LIPK: variants seen among roughly 807,000 people sequenced by gnomAD.
LIPK encodes the protein lipase member K.
LIPK carries 32 observed loss-of-function variants against 48.6 expected under a neutral mutation model. The observed-to-expected ratio is 0.66, with a 90% CI of 0.50 to 0.88. The LOEUF (loss-of-function observed/expected upper bound fraction) is 0.88, where lower values mean the gene tolerates loss of function less well. Ranked by LOEUF, LIPK falls within the 40% of genes least tolerant of loss-of-function variation. The pLI, the probability that LIPK is intolerant of heterozygous loss-of-function variation, is 0.00. For missense variants in LIPK, 507 were observed against 478.5 expected, an observed-to-expected ratio of 1.06 and a Z score of -0.56; for synonymous variants, 164 against 157.4, an observed-to-expected ratio of 1.04 and a Z score of -0.32.
chr10:88,706,740 C>T (rs1160498557), intron 1 of LIPK, among the ~76,000 whole-genome samples: 2 of 152,084 alleles, frequency 1.3e-5, no homozygotes, highest in Non-Finnish European at 2.9e-5. Flanking sequence ...ATTCCAATGG[C>T]CTTGAGTATG....
intron 9 of LIPK, among the ~76,000 whole-genome samples, chr10:88,747,271 G>A (rs1397207188): frequency 6.6e-6 from 1 of 152,146 alleles, no homozygotes; most frequent in Non-Finnish European, 1.5e-5. Context: ...TATGAAGCCA[G>A]CATCCATCAT....
In LIPK at chr10:88,736,942, G is replaced by A. The variant is rs1208598244; in HGVS notation, c.670-693G>A. On this transcript the variant is annotated intron_variant, in intron 6 of 9. Transcript: ENST00000404190. ...TCCAAAGTTTTAAGAACTAAAAAAT[G>A]TCTTTTTACCTTTATATCTAGTTTA... Among the ~76,000 whole-genome samples the A allele has an allele frequency of 5.3e-5, 8 of 152,224 alleles. No homozygotes were observed. The East Asian group carries it at 7.7e-4, about 15-fold the overall frequency.
At chr10:88,724,225 C>T (rs1164190605) in intron 1 of LIPK, among the ~76,000 whole-genome samples, 1 of 152,134 alleles carries the variant, frequency 6.6e-6, no homozygotes, top group Non-Finnish European at 1.5e-5. Context: ...CATTATATTT[C>T]TTTTCTACAC....
chr10:88,736,943 T>C (rs2134756571), intron 6 of LIPK, among the ~76,000 whole-genome samples: 1 of 152,316 alleles, frequency 6.6e-6, no homozygotes. Context: ...CTAAAAAATG[T>C]CTTTTTACCT....
At chr10:88,723,633 T>C (rs2134713477) in intron 1 of LIPK, among the ~76,000 whole-genome samples, 1 of 152,276 alleles carries the variant, frequency 6.6e-6, no homozygotes, top group South Asian at 2.1e-4. Flanking sequence ...AAAAAAAGTT[T>C]AAATAATAAT....
Position 88,737,718 on chromosome 10 carries a change from C to G in LIPK, c.753C>G (p.Phe251Leu). 1.9e-6 allele frequency: 3 copies of G among 1,613,870 alleles called. No individual in the cohort carries two copies. The highest frequency in any genetic ancestry group is 1.7e-6 in the Non-Finnish European group (2 of 1,179,790). ...CCAAAGTGTGCAATCGAAAGCTATT[C>G]CGTCGTATTTGCAGCAACTTCCTAT... ...IATKVCNRKL[F>L]RRICSNFLFT... The change falls in exon 7 of 10, where the codon TTC (phenylalanine) becomes TTG (leucine). Residue 251 changes from phenylalanine to leucine, a missense_variant. By Grantham distance (22) the Phe-to-Leu change is conservative (BLOSUM62 0). Coordinates refer to ENST00000404190, the MANE Select transcript of LIPK (RefSeq NM_001080518.2).
chr10:88,743,298 C>A lies in LIPK; in HGVS notation c.937C>A (p.Gln313Lys). The A allele has an allele frequency of 6.3e-7, 1 of 1,593,110 alleles. No individual in the cohort carries two copies. Among genetic ancestry groups the A allele is most frequent in the Non-Finnish European group, 8.6e-7 (1 of 1,167,792 alleles). The part of the protein sequence containing the change: ...LQAFDWGNSD[Q>K]NMMHFHQLTP... ...AGCTTTTGATTGGGGAAACTCTGAT[C>A]AGAACATGATGCACTTCCATCAGGT... Residue 313 changes from glutamine to lysine, a missense_variant, in exon 9 of 10, where the codon CAG (glutamine) becomes AAG (lysine). Physicochemically the swap from Gln to Lys is moderately conservative, Grantham distance 53. Coordinates refer to ENST00000404190, the MANE Select transcript of LIPK (RefSeq NM_001080518.2).
At chr10:88,738,134 C>T (rs752242318) in intron 7 of LIPK, among the ~76,000 whole-genome samples, 3 of 152,090 alleles carry the variant, frequency 2.0e-5, no homozygotes, top group South Asian at 2.1e-4. Flanking sequence ...ATTTGTTTAC[C>T]AATTTTCCAC....
In LIPK at chr10:88,724,525, T is replaced by C; in HGVS notation, c.-11-8T>C. The C allele has an allele frequency of 6.6e-7, 1 of 1,522,234 alleles. No homozygotes were observed. The highest frequency in any genetic ancestry group is 8.9e-7 in the Non-Finnish European group (1 of 1,119,090). The allele number at this position is 1,522,234 out of a possible 1,614,324, so 94.3% of individuals were successfully genotyped here. A position where few individuals can be genotyped will look rare whatever the true frequency, so the allele number is the denominator to read the frequency against. Reference sequence around the variant, plus strand: ...TTGATGACAAATATATTAAATTTCCTTTCCTAGGCAGATCCCAAATGTGGC... The same window carrying C: ...TTGATGACAAATATATTAAATTTCCCTTCCTAGGCAGATCCCAAATGTGGC... On this transcript the variant is annotated splice_region_variant and splice_polypyrimidine_tract_variant and intron_variant, in intron 1 of 9. Coordinates refer to ENST00000404190, the MANE Select transcript of LIPK (RefSeq NM_001080518.2).
At chr10:88,725,023 G>T (rs1842307757) in intron 2 of LIPK, among the ~76,000 whole-genome samples, 1 of 152,104 alleles carries the variant, frequency 6.6e-6, no homozygotes, top group South Asian at 2.1e-4. Context: ...GCCAGTGTTG[G>T]TTTCTGTTGT....
chr10:88,725,339 C>T (rs999022906), intron 2 of LIPK, among the ~76,000 whole-genome samples: 2 of 152,210 alleles, frequency 1.3e-5, no homozygotes, highest in African/African-American at 4.8e-5. Context: ...CATAATTTTT[C>T]TCTCTCTAGC....
intron 9 of LIPK, among the ~76,000 whole-genome samples, chr10:88,746,098 C>A (rs536725651): frequency 6.6e-6 from 1 of 152,064 alleles, no homozygotes; most frequent in Non-Finnish European, 1.5e-5. Context: ...TATATATGCA[C>A]CCAACACAGG....
chr10:88,746,873 G>A (rs918723505), intron 9 of LIPK, among the ~76,000 whole-genome samples: 3 of 152,134 alleles, frequency 2.0e-5, no homozygotes, highest in Non-Finnish European at 4.4e-5. Flanking sequence ...CTGCTAGCTA[G>A]ACTAATAAAT....
intron 6 of LIPK, among the ~76,000 whole-genome samples, chr10:88,734,775 AC>A (rs1305062801): frequency 6.6e-6 from 1 of 152,190 alleles, no homozygotes; most frequent in Non-Finnish European, 1.5e-5. Flanking sequence ...GGGGATTGGA[AC>A]AAGAGTTGTG....
intron 1 of LIPK, among the ~76,000 whole-genome samples, chr10:88,717,861 C>T (rs1842149005): frequency 6.6e-6 from 1 of 151,750 alleles, no homozygotes; most frequent in Non-Finnish European, 1.5e-5. Context: ...CTCAGGTTGC[C>T]TAAACTTGTA....
chr10:88,752,646 T>G lies in LIPK; in HGVS notation c.1090T>G (p.Tyr364Asp). The G allele has an allele frequency of 6.4e-7, 1 of 1,573,588 alleles. No homozygotes were observed. Among genetic ancestry groups the G allele is most frequent in the Non-Finnish European group, 8.6e-7 (1 of 1,157,278 alleles). Reference sequence around the variant, plus strand: ...TCCTCAAATTGCTAACCTTATTTATTACAAGCTGATTCCACACTACAATCA... The same window carrying G: ...TCCTCAAATTGCTAACCTTATTTATGACAAGCTGATTCCACACTACAATCA... ...LLPQIANLIY[Y>D]KLIPHYNHVD... The change falls in exon 10 of 10, where the codon TAC (tyrosine) becomes GAC (aspartate). Residue 364 changes from tyrosine to aspartate, a missense_variant. By Grantham distance (160) the Tyr-to-Asp change is radical. Coordinates refer to ENST00000404190, the MANE Select transcript of LIPK (RefSeq NM_001080518.2).
intron 9 of LIPK, among the ~76,000 whole-genome samples, chr10:88,747,631 G>A (rs887543893): frequency 2.6e-5 from 4 of 151,748 alleles, no homozygotes; most frequent in Admixed American, 1.3e-4. Context: ...AATAATAAAA[G>A]CCATCTCAAC....
intron 9 of LIPK, among the ~76,000 whole-genome samples, chr10:88,751,986 C>G (rs1343294588): frequency 6.6e-6 from 1 of 152,158 alleles, no homozygotes; most frequent in Non-Finnish European, 1.5e-5. Context: ...TAAGGGAAAA[C>G]TTGCTGAGAG....
chr10:88,729,591 A>G (rs887782348), intron 3 of LIPK, among the ~76,000 whole-genome samples: 2 of 152,192 alleles, frequency 1.3e-5, no homozygotes, highest in African/African-American at 2.4e-5. Context: ...AAGCTGTACA[A>G]TGAGAAACTC....
Sources: gnomAD v4.1 joint callset for allele counts (sites outside exome capture counted in the v4.1 genomes callset) on GRCh38, gnomAD v4.1.1 for gene constraint, MANE v1.5 for transcripts, NCBI Gene and HGNC (gene_info 2026-07-23, HGNC 2026-07-21) for gene names.